Variants in DDX50 observed in about 807,000 individuals in gnomAD.
The protein encoded by DDX50 is ATP-dependent RNA helicase DDX50.
Under a neutral mutation model 94.8 loss-of-function variants are expected in DDX50, and 56 were observed. That is an observed-to-expected ratio of 0.59 (90% CI 0.48 to 0.74). The LOEUF is 0.74. DDX50 is among the 30% of genes least tolerant of loss of function. The probability of loss-of-function intolerance (pLI) is 0.00; values close to 1 mark genes in which losing one functional copy is unlikely to be tolerated. For missense variants in DDX50, 713 were observed against 881.2 expected, an observed-to-expected ratio of 0.81 and a Z score of 2.42; for synonymous variants, 264 against 295.4, an observed-to-expected ratio of 0.89 and a Z score of 1.09.
At chr10:68,917,053 T>A (rs1431357677) in intron 7 of DDX50, among the ~76,000 whole-genome samples, 1 of 152,200 alleles carries the variant, frequency 6.6e-6, no homozygotes, top group Non-Finnish European at 1.5e-5. Context: ...TTAAATAGTT[T>A]GTTTGAATCT....
chr10:68,904,886 T>G (rs1358262148), intron 1 of DDX50, among the ~76,000 whole-genome samples: 1 of 152,268 alleles, frequency 6.6e-6, no homozygotes, highest in Admixed American at 6.5e-5. Flanking sequence ...TGTTCAATTC[T>G]CACAGCAATT....
intron 13 of DDX50, among the ~76,000 whole-genome samples, chr10:68,942,817 A>G (rs977193161): frequency 6.6e-5 from 10 of 151,800 alleles, no homozygotes; most frequent in African/African-American, 1.5e-4. Context: ...AGTTTTCCCT[A>G]TGTTGCCCAG....
chr10:68,938,798 G>C (rs1329441267), intron 12 of DDX50, among the ~76,000 whole-genome samples: 1 of 152,116 alleles, frequency 6.6e-6, no homozygotes, highest in Non-Finnish European at 1.5e-5. Context: ...TAAAAATTCA[G>C]GACCTAGTTA....
At chr10:68,920,119 C>A in intron 8 of DDX50, 138 bp downstream of exon 8, 2 of 981,010 alleles carry the variant, frequency 2.0e-6, no homozygotes, top group Non-Finnish European at 3.1e-6. Context: ...GTGGCCCACA[C>A]CTGTAATCCT....
At chr10:68,918,199 C>T (rs1204115121) in intron 7 of DDX50, among the ~76,000 whole-genome samples, 1 of 152,148 alleles carries the variant, frequency 6.6e-6, no homozygotes, top group African/African-American at 2.4e-5. Flanking sequence ...GGTGGGATTA[C>T]AGGCATGAGC....
At chr10:68,907,230 T>C (rs1841481424) in intron 2 of DDX50, among the ~76,000 whole-genome samples, 1 of 152,108 alleles carries the variant, frequency 6.6e-6, no homozygotes, top group Non-Finnish European at 1.5e-5. Flanking sequence ...GAGCAATAGT[T>C]AAATTTAAAC....
chr10:68,931,314 C>T (rs561021458), intron 8 of DDX50, among the ~76,000 whole-genome samples: 1 of 149,390 alleles, frequency 6.7e-6, no homozygotes, highest in Non-Finnish European at 1.5e-5. Flanking sequence ...CCGATAACCT[C>T]TTTATTTCCT....
intron 3 of DDX50, among the ~76,000 whole-genome samples, chr10:68,910,769 C>A (rs953722347): frequency 1.3e-5 from 2 of 152,164 alleles, no homozygotes; most frequent in African/African-American, 4.8e-5. Flanking sequence ...ACTCCTGTGC[C>A]TTTTCTGACC....
chr10:68,907,049 C>CTA (rs1391898139), intron 2 of DDX50, 42 bp downstream of exon 2: 2 of 1,541,628 alleles, frequency 1.3e-6, no homozygotes, highest in Non-Finnish European at 1.7e-6. Flanking sequence ...TGTTGTTGAA[C>CTA]TATAGGTTGA....
intron 8 of DDX50, among the ~76,000 whole-genome samples, chr10:68,922,796 C>CT (rs753989835): frequency 0.31 from 41,355 of 133,442 alleles, 7,085 homozygotes; most frequent in Non-Finnish European, 0.39. Flanking sequence ...CTTTCTCTCT[C>CT]TTTTTTTTTT....
intron 7 of DDX50, among the ~76,000 whole-genome samples, chr10:68,916,702 A>C (rs1276319265): frequency 6.6e-6 from 1 of 152,028 alleles, no homozygotes; most frequent in Non-Finnish European, 1.5e-5. Context: ...ATTTTTTTTG[A>C]GATGGAATTT....
At chr10:68,927,283 A>G (rs2132045614) in intron 8 of DDX50, among the ~76,000 whole-genome samples, 1 of 152,268 alleles carries the variant, frequency 6.6e-6, no homozygotes, top group South Asian at 2.1e-4. Flanking sequence ...TTTTTTTCAA[A>G]AATTAGATGT....
intron 13 of DDX50, among the ~76,000 whole-genome samples, chr10:68,941,920 G>A (rs1235771934): frequency 1.3e-5 from 2 of 151,298 alleles, no homozygotes; most frequent in Non-Finnish European, 2.9e-5. Context: ...GATTACAGGC[G>A]TGAGCCACCA....
intron 1 of DDX50, among the ~76,000 whole-genome samples, chr10:68,902,727 A>T (rs1400046604): frequency 3.7e-5 from 5 of 133,750 alleles, no homozygotes; most frequent in African/African-American, 1.6e-4. Flanking sequence ...CAGGTATTTT[A>T]AAAAAGGCTT....
chr10:68,933,721 G>T (rs1363668571), intron 8 of DDX50, among the ~76,000 whole-genome samples: 1 of 151,918 alleles, frequency 6.6e-6, no homozygotes, highest in East Asian at 1.9e-4. Flanking sequence ...ATCACCTGAG[G>T]TCAGCGAGTT....
At chr10:68,926,014 C>CA (rs138926781) in intron 8 of DDX50, among the ~76,000 whole-genome samples, 44,710 of 117,838 alleles carry the variant, frequency 0.38, 9,033 homozygotes, top group Non-Finnish European at 0.49. Context: ...ACTCTGTCTC[C>CA]AAAAAAAAAA....
intron 13 of DDX50, 134 bp downstream of exon 13, chr10:68,941,328 C>G (rs1842548978): frequency 8.2e-7 from 1 of 1,221,030 alleles, no homozygotes; most frequent in Non-Finnish European, 1.1e-6. Context: ...TAGTTTGTTT[C>G]CAGTTATAAA....
intron 1 of DDX50, among the ~76,000 whole-genome samples, chr10:68,903,753 A>G (rs1350926029): frequency 6.6e-6 from 1 of 151,952 alleles, no homozygotes; most frequent in Non-Finnish European, 1.5e-5. Context: ...GTGAGCTGAA[A>G]TCGCACCACT....
rs916463802 is a variant in DDX50, at chr10:68,940,991, A to C, written c.1756-69A>C. On this transcript the variant is annotated intron_variant, in intron 12 of 14. Coordinates refer to ENST00000373585, the MANE Select transcript of DDX50 (RefSeq NM_024045.2). ...ATGCACAGTTAAGTCTTGAAGGATT[A>C]TAGAGTTAGAATTTCATTGTACTGC... The C allele has an allele frequency of 1.2e-5, 19 of 1,547,814 alleles. No homozygotes were observed. The African/African-American group carries it at 2.5e-4, about 20-fold the overall frequency.
Sources: gnomAD v4.1 joint callset for allele counts (sites outside exome capture counted in the v4.1 genomes callset) on GRCh38, gnomAD v4.1.1 for gene constraint, MANE v1.5 for transcripts, NCBI Gene and HGNC (gene_info 2026-07-23, HGNC 2026-07-21) for gene names.